The following PTPRK variants were observed in gnomAD, a reference collection of about 807,000 sequenced individuals.
PTPRK encodes the protein protein tyrosine phosphatase receptor type K.
Under a neutral mutation model 178.0 loss-of-function variants are expected in PTPRK, and 75 were observed. The observed-to-expected ratio is 0.42, with a 90% CI of 0.35 to 0.51. The LOEUF is 0.51. Among genes scored for constraint, PTPRK ranks in the 20% least tolerant of loss-of-function variants. The pLI, the probability that PTPRK is intolerant of heterozygous loss-of-function variation, is 0.02. For missense variants in PTPRK, 1,441 were observed against 1,797.8 expected, an observed-to-expected ratio of 0.80 and a Z score of 3.59; for synonymous variants, 637 against 620.6, an observed-to-expected ratio of 1.03 and a Z score of -0.39.
At chr6:128,113,947 T>C (rs1791080865) in intron 7 of PTPRK, among the ~76,000 whole-genome samples, 1 of 152,166 alleles carries the variant, frequency 6.6e-6, no homozygotes, top group Non-Finnish European at 1.5e-5. Flanking sequence ...CTGTGATTAA[T>C]GTTATAAAAG....
chr6:128,203,126 C>T (rs1048658237), intron 6 of PTPRK, among the ~76,000 whole-genome samples: 1 of 152,096 alleles, frequency 6.6e-6, no homozygotes, highest in African/African-American at 2.4e-5. Context: ...AAATGTGATT[C>T]ATCACATAAA....
intron 21 of PTPRK, among the ~76,000 whole-genome samples, chr6:127,987,289 A>G (rs2114648474): frequency 6.6e-6 from 1 of 152,094 alleles, no homozygotes; most frequent in South Asian, 2.1e-4. Flanking sequence ...AAAAAATCCA[A>G]TGATTTTCCA....
At chr6:128,111,233 C>G (rs1328086266) in intron 7 of PTPRK, among the ~76,000 whole-genome samples, 1 of 152,146 alleles carries the variant, frequency 6.6e-6, no homozygotes, top group Admixed American at 6.5e-5. Context: ...ATTTAACCTT[C>G]TAGCTTTTCA....
intron 1 of PTPRK, among the ~76,000 whole-genome samples, chr6:128,472,892 G>A (rs1243026282): frequency 1.3e-5 from 2 of 151,992 alleles, no homozygotes; most frequent in African/African-American, 4.8e-5. Context: ...TGCATTATTT[G>A]TGGCAGCAGT....
chr6:128,342,228 G>A (rs1464738011), intron 2 of PTPRK, among the ~76,000 whole-genome samples: 1 of 152,064 alleles, frequency 6.6e-6, no homozygotes, highest in African/African-American at 2.4e-5. Context: ...ACTCAAGCCT[G>A]GGTGACAGAG....
intron 6 of PTPRK, among the ~76,000 whole-genome samples, chr6:128,214,277 A>C (rs1197364054): frequency 6.6e-6 from 1 of 152,104 alleles, no homozygotes; most frequent in Non-Finnish European, 1.5e-5. Flanking sequence ...ACCATTGACC[A>C]AATAAGCTAC....
intron 2 of PTPRK, among the ~76,000 whole-genome samples, chr6:128,373,245 A>G (rs186820393): frequency 6.6e-6 from 1 of 152,332 alleles, no homozygotes; most frequent in East Asian, 1.9e-4. Flanking sequence ...AAGCTGCGTT[A>G]GTTCACATTT....
chr6:128,473,721 T>C (rs1288064690), intron 1 of PTPRK, among the ~76,000 whole-genome samples: 1 of 151,976 alleles, frequency 6.6e-6, no homozygotes, highest in Non-Finnish European at 1.5e-5. Context: ...TCTCTCAGAG[T>C]ACAGAATGCC....
At chr6:128,452,671 T>C (rs1847936289) in intron 1 of PTPRK, among the ~76,000 whole-genome samples, 1 of 152,146 alleles carries the variant, frequency 6.6e-6, no homozygotes, top group Admixed American at 6.6e-5. Flanking sequence ...ACCTTATTCT[T>C]TCACTGTCCA....
At chr6:128,164,605 C>A (rs1799132290) in intron 7 of PTPRK, among the ~76,000 whole-genome samples, 1 of 151,208 alleles carries the variant, frequency 6.6e-6, no homozygotes, top group Non-Finnish European at 1.5e-5. Flanking sequence ...TTAAAAAACA[C>A]AGAACTAAAT....
intron 7 of PTPRK, among the ~76,000 whole-genome samples, chr6:128,134,984 C>T (rs747714669): frequency 6.6e-6 from 1 of 151,860 alleles, no homozygotes; most frequent in African/African-American, 2.4e-5. Context: ...AAGATTGCAA[C>T]ATCCACTATT....
intron 11 of PTPRK, among the ~76,000 whole-genome samples, chr6:128,071,623 T>C (rs1782841870): frequency 6.6e-6 from 1 of 152,058 alleles, no homozygotes; most frequent in Non-Finnish European, 1.5e-5. Flanking sequence ...GGGCTCAGTC[T>C]TTAGTCAGTG....
In PTPRK at chr6:128,301,333, A is replaced by C. The variant is rs186930212; in HGVS notation, c.495+20706T>G. On this transcript the variant is annotated intron_variant, in intron 3 of 29. Transcript: ENST00000368226. ...TCAGAAATTTTATTTTGTTTGCTCA[A>C]ATGCTTAAACCAAAATGATAATTTT... 3.5e-4 allele frequency among the ~76,000 whole-genome samples: 54 copies of C among 152,190 alleles called. 1 individual carries two copies. The highest frequency in any genetic ancestry group is 2.9e-3 in the Admixed American group (45 of 15,274).
chr6:128,222,774 A>G (rs1810646171), intron 5 of PTPRK, among the ~76,000 whole-genome samples: 1 of 152,206 alleles, frequency 6.6e-6, no homozygotes, highest in Non-Finnish European at 1.5e-5. Context: ...TTGAATTTGC[A>G]CTATCTTATC....
At chr6:127,983,201 T>C in intron 23 of PTPRK, 41 bp downstream of exon 23, 1 of 1,489,146 alleles carries the variant, frequency 6.7e-7, no homozygotes, top group Non-Finnish European at 8.9e-7. Context: ...GCAAAAAAAA[T>C]AAAAAATAAA....
At chr6:128,322,577 T>C (rs1828953750) in intron 2 of PTPRK, among the ~76,000 whole-genome samples, 1 of 151,852 alleles carries the variant, frequency 6.6e-6, no homozygotes, top group African/African-American at 2.4e-5. Flanking sequence ...AATTAGGAAA[T>C]TGAGGCACAA....
intron 3 of PTPRK, among the ~76,000 whole-genome samples, chr6:128,269,382 CAA>C (rs1213708466): frequency 6.6e-6 from 1 of 151,830 alleles, no homozygotes; most frequent in Admixed American, 6.6e-5. Context: ...AAGGTAGTAA[CAA>C]GAGGACATCA....
At chr6:128,049,616 T>C (rs1194648337) in intron 13 of PTPRK, among the ~76,000 whole-genome samples, 1 of 152,072 alleles carries the variant, frequency 6.6e-6, no homozygotes, top group African/African-American at 2.4e-5. Flanking sequence ...TGAAATACTT[T>C]TAAAGATTCT....
At chr6:128,112,802 T>G (rs1257646895) in intron 7 of PTPRK, among the ~76,000 whole-genome samples, 2 of 152,116 alleles carry the variant, frequency 1.3e-5, no homozygotes, top group East Asian at 3.8e-4. Flanking sequence ...GGCCATATTC[T>G]TTTGCTTTCA....
Sources: allele counts gnomAD v4.1 joint callset (sites outside exome capture counted in the v4.1 genomes callset), GRCh38; gene constraint gnomAD v4.1.1; transcripts MANE v1.5; gene names NCBI Gene and HGNC (gene_info 2026-07-23, HGNC 2026-07-21).